The following PCSK6 variants were observed in gnomAD, a reference collection of about 807,000 sequenced individuals.
PCSK6 encodes paired basic amino acid cleaving enzyme 4.
PCSK6 carries 85 observed loss-of-function variants against 123.3 expected under a neutral mutation model. The observed-to-expected ratio is 0.69, with a 90% CI of 0.58 to 0.83. PCSK6 has a LOEUF of 0.83. Ranked by LOEUF, PCSK6 falls within the 40% of genes least tolerant of loss-of-function variation. PCSK6 has a pLI of 0.00. For missense variants in PCSK6, 1,191 were observed against 1,282.3 expected, an observed-to-expected ratio of 0.93 and a Z score of 1.09; for synonymous variants, 508 against 516.0, an observed-to-expected ratio of 0.98 and a Z score of 0.21.
chr15:101,391,628 C>T (rs966831996), intron 8 of PCSK6, among the ~76,000 whole-genome samples: 1 of 152,246 alleles, frequency 6.6e-6, no homozygotes, highest in Non-Finnish European at 1.5e-5. Flanking sequence ...TGCTCACATT[C>T]CTCAGACTCA....
intron 19 of PCSK6, 86 bp from the exon 20 acceptor site, chr15:101,313,591 A>T (rs2039920884): frequency 6.6e-7 from 1 of 1,513,396 alleles, no homozygotes; most frequent in Admixed American, 2.0e-5. Flanking sequence ...TTGTGAGATC[A>T]GGGGTACCAT....
intron 13 of PCSK6, among the ~76,000 whole-genome samples, chr15:101,356,648 C>T (rs1026130582): frequency 3.3e-5 from 5 of 151,618 alleles, no homozygotes; most frequent in Non-Finnish European, 4.4e-5. Context: ...CCGTTGCACT[C>T]CAGCCTGGGC....
intron 4 of PCSK6, among the ~76,000 whole-genome samples, chr15:101,430,431 G>C (rs1424726928): frequency 6.6e-6 from 1 of 152,198 alleles, no homozygotes; most frequent in Non-Finnish European, 1.5e-5. Context: ...GCTACTCCGA[G>C]TCACTCGTGT....
chr15:101,432,151 T>C, intron 2 of PCSK6, 51 bp from the exon 3 acceptor site: 1 of 1,463,410 alleles, frequency 6.8e-7, no homozygotes, highest in Non-Finnish European at 9.4e-7. Flanking sequence ...TTTCTTGATT[T>C]TATGTAGCCT....
chr15:101,431,526 C>T (rs759989135), intron 3 of PCSK6, 63 bp from the exon 4 acceptor site: 1 of 1,600,210 alleles, frequency 6.2e-7, no homozygotes, highest in African/African-American at 1.3e-5. Context: ...AACTGACACT[C>T]GGTGCACACC....
chr15:101,347,011 C>A, intron 13 of PCSK6: 1 of 1,231,692 alleles, frequency 8.1e-7, no homozygotes, highest in Non-Finnish European at 1.0e-6. Context: ...AATATTAATG[C>A]AAATGGGGTT....
At chr15:101,377,057 G>A (rs922693199) in intron 11 of PCSK6, among the ~76,000 whole-genome samples, 2 of 152,250 alleles carry the variant, frequency 1.3e-5, no homozygotes, top group African/African-American at 2.4e-5. Context: ...CTAAAAAGAC[G>A]TCACATCAGG....
At chr15:101,321,128 G>A (rs536993131) in intron 18 of PCSK6, among the ~76,000 whole-genome samples, 1 of 152,324 alleles carries the variant, frequency 6.6e-6, no homozygotes, top group Admixed American at 6.5e-5. Context: ...CCACTCCTGG[G>A]CTGCCTGACC....
chr15:101,360,724 C>T (rs1285792348), intron 13 of PCSK6, among the ~76,000 whole-genome samples: 2 of 151,404 alleles, frequency 1.3e-5, no homozygotes, highest in Admixed American at 1.3e-4. Context: ...TGCCCGGGGG[C>T]CTCAGCATCC....
At chr15:101,369,612 C>T (rs1427995328) in intron 12 of PCSK6, among the ~76,000 whole-genome samples, 1 of 152,264 alleles carries the variant, frequency 6.6e-6, no homozygotes, top group Non-Finnish European at 1.5e-5. Context: ...TAGAAAGAGA[C>T]AGAAGGTACC....
At chr15:101,413,342 T>C (rs2055772698) in intron 6 of PCSK6, among the ~76,000 whole-genome samples, 1 of 152,092 alleles carries the variant, frequency 6.6e-6, no homozygotes, top group Non-Finnish European at 1.5e-5. Flanking sequence ...TTGTGAGAAG[T>C]TACATGTGCA....
chr15:101,378,740 G>A (rs1389622554), intron 11 of PCSK6, among the ~76,000 whole-genome samples: 1 of 152,192 alleles, frequency 6.6e-6, no homozygotes, highest in Non-Finnish European at 1.5e-5. Flanking sequence ...CTTTCGGGTG[G>A]ATCCATACAC....
At chr15:101,340,135 C>T (rs2040568273) in intron 13 of PCSK6, among the ~76,000 whole-genome samples, 2 of 152,134 alleles carry the variant, frequency 1.3e-5, no homozygotes, top group East Asian at 1.9e-4. Flanking sequence ...TATATGTGTG[C>T]TCCCCATGTA....
At chr15:101,403,448 A>G (rs1048662528) in intron 6 of PCSK6, among the ~76,000 whole-genome samples, 1 of 152,050 alleles carries the variant, frequency 6.6e-6, no homozygotes, top group Non-Finnish European at 1.5e-5. Flanking sequence ...GAGAGAGAAA[A>G]AAAAATGGAG....
At chr15:101,445,384 T>TC (rs2056861616) in intron 1 of PCSK6, among the ~76,000 whole-genome samples, 1 of 152,200 alleles carries the variant, frequency 6.6e-6, no homozygotes, top group African/African-American at 2.4e-5. Flanking sequence ...GAACGCGATA[T>TC]TTACGTGTGA....
At chr15:101,474,470 G>T (rs56343105) in intron 1 of PCSK6, among the ~76,000 whole-genome samples, 2 of 152,120 alleles carry the variant, frequency 1.3e-5, no homozygotes, top group Non-Finnish European at 2.9e-5. Flanking sequence ...TTAGCACCTC[G>T]TCCGGGGCCA....
At chr15:101,386,614 G>A (rs1036722891) in intron 9 of PCSK6, among the ~76,000 whole-genome samples, 1 of 152,182 alleles carries the variant, frequency 6.6e-6, no homozygotes, top group East Asian at 1.9e-4. Context: ...CACAGGATTT[G>A]TCTTATTTCC....
Position 101,389,962 on chromosome 15 carries a change from C to T in PCSK6, c.1210-398G>A, listed in dbSNP as rs562467652. ...GCCTGTCACCAACAGCCGAGAGTACCCACGGCAAAACCATCAGAGTCCACA... is the reference window on the plus strand; with the variant it reads ...GCCTGTCACCAACAGCCGAGAGTACTCACGGCAAAACCATCAGAGTCCACA... On this transcript the variant is annotated intron_variant, in intron 8 of 21. Transcript: ENST00000611716. 2.5e-3 allele frequency among the ~76,000 whole-genome samples: 386 copies of T among 152,272 alleles called. 5 individuals are homozygous for T. Among genetic ancestry groups the T allele is most frequent in the East Asian group, 9.6e-4 (5 of 5,188 alleles).
At chr15:101,472,742 G>T (rs11853956) in intron 1 of PCSK6, among the ~76,000 whole-genome samples, 30,568 of 152,228 alleles carry the variant, frequency 0.2, 3,142 homozygotes, top group Admixed American at 0.23. Flanking sequence ...CCAATTGCTG[G>T]AAAGTAGAAC....
Sources: allele counts gnomAD v4.1 joint callset (sites outside exome capture counted in the v4.1 genomes callset), GRCh38; gene constraint gnomAD v4.1.1; transcripts MANE v1.5; gene names NCBI Gene and HGNC (gene_info 2026-07-23, HGNC 2026-07-21).